Variants in CDH9 observed in about 807,000 individuals in gnomAD.
The protein encoded by CDH9 is cadherin 9, also known as cadherin-9.
In CDH9, 28 loss-of-function variants were observed where a neutral mutation model predicts 70.9. The observed-to-expected ratio is 0.40, with a 90% CI of 0.29 to 0.54. CDH9 has a LOEUF of 0.54. CDH9 is among the 20% of genes least tolerant of loss of function. CDH9 has a pLI of 0.59. For missense variants in CDH9, 874 were observed against 984.4 expected, an observed-to-expected ratio of 0.89 and a Z score of 1.50; for synonymous variants, 409 against 343.1, an observed-to-expected ratio of 1.19 and a Z score of -2.12.
Position 26,962,502 on chromosome 5 carries a change from A to G in CDH9, c.228+25604T>C, listed in dbSNP as rs181162942. 4.3e-3 allele frequency among the ~76,000 whole-genome samples: 655 copies of G among 152,222 alleles called. 14 individuals are homozygous for G. Among genetic ancestry groups the G allele is most frequent in the East Asian group, 0.011 (58 of 5,160 alleles). On this transcript the variant is annotated intron_variant, in intron 2 of 11. Transcript: ENST00000231021. ...GCATCTGATGTTTCCTGACTTTTTA[A>G]TGACCACCATTCTAACTGGTGTGAG... is the stretch of plus-strand genomic sequence containing the variant.
intron 2 of CDH9, among the ~76,000 whole-genome samples, chr5:26,927,290 A>G (rs1188269648): frequency 1.3e-5 from 2 of 152,022 alleles, no homozygotes; most frequent in African/African-American, 4.8e-5. Context: ...ATCCCCAGCT[A>G]GTATACTGGG....
chr5:26,967,690 A>T (rs1011285347), intron 2 of CDH9, among the ~76,000 whole-genome samples: 7 of 151,872 alleles, frequency 4.6e-5, no homozygotes, highest in Non-Finnish European at 8.8e-5. Context: ...CATTCCTGTG[A>T]ACATCAATTT....
Position 26,978,115 on chromosome 5 carries a change from A to G in CDH9, c.228+9991T>C, listed in dbSNP as rs193019393. 5.5e-4 allele frequency among the ~76,000 whole-genome samples: 84 copies of G among 152,192 alleles called. 1 individual carries two copies. Among genetic ancestry groups the G allele is most frequent in the African/African-American group, 2.0e-3 (82 of 41,558 alleles). ...AGAATTTCTGTAATGTGTTAATCAC[A>G]ATGTCTAGTATATAATCTAAGCTTT... On this transcript the variant is annotated intron_variant, in intron 2 of 11. Transcript: ENST00000231021.
Position 26,881,194 on chromosome 5 carries a change from C to T in CDH9, c.2312G>A (p.Gly771Glu). 1 of 1,612,958 alleles carries T rather than the reference C, an allele frequency of 6.2e-7. No individual in the cohort carries two copies. The highest frequency in any genetic ancestry group is 8.5e-7 in the Non-Finnish European group (1 of 1,179,280). ...NQDYDYLSDWGPRFKKLADMY... is the reference protein window; with the variant it reads ...NQDYDYLSDWEPRFKKLADMY... The stretch of plus-strand genomic sequence containing the variant: ...ATCGGCAAGTTTTTTGAAACGAGGC[C>T]CCCAGTCACTGAGGTAATCATAATC... Residue 771 changes from glycine to glutamate, a missense_variant, in exon 12 of 12, where the codon GGG (glycine) becomes GAG (glutamate). By Grantham distance (98) the Gly-to-Glu change is moderately conservative. Transcript: ENST00000231021.
At chr5:26,932,634 A>C (rs896718341) in intron 2 of CDH9, among the ~76,000 whole-genome samples, 1 of 152,074 alleles carries the variant, frequency 6.6e-6, no homozygotes, top group African/African-American at 2.4e-5. Flanking sequence ...TCTTTAATCT[A>C]TATTTGACTT....
chr5:26,932,276 T>G (rs1005087035), intron 2 of CDH9, among the ~76,000 whole-genome samples: 1 of 152,012 alleles, frequency 6.6e-6, no homozygotes, highest in African/African-American at 2.4e-5. Flanking sequence ...TCAGTAAAAA[T>G]ATCTTTCAAA....
chr5:26,954,597 G>T (rs1291918383), intron 2 of CDH9, among the ~76,000 whole-genome samples: 1 of 151,504 alleles, frequency 6.6e-6, no homozygotes, highest in Non-Finnish European at 1.5e-5. Flanking sequence ...TGTTAGCCAG[G>T]ATGGTCTCAA....
At chr5:26,987,911 T>C (rs889775284) in intron 2 of CDH9, among the ~76,000 whole-genome samples, 195 bp downstream of exon 2, 8 of 152,118 alleles carry the variant, frequency 5.3e-5, no homozygotes, top group Non-Finnish European at 1.2e-4. Context: ...TTACGCTTAT[T>C]ATTGACATTG....
intron 11 of CDH9, among the ~76,000 whole-genome samples, 200 bp downstream of exon 11, chr5:26,885,414 T>A (rs901422035): frequency 7.9e-5 from 12 of 152,226 alleles, no homozygotes; most frequent in African/African-American, 2.9e-4. Flanking sequence ...GTTAGATGTT[T>A]CTTTTTGGTC....
intron 1 of CDH9, among the ~76,000 whole-genome samples, chr5:27,036,823 A>C (rs995967731): frequency 2.6e-5 from 4 of 151,900 alleles, no homozygotes; most frequent in Non-Finnish European, 5.9e-5. Flanking sequence ...TCTACTCCTC[A>C]TTTGGAAAAA....
At chr5:26,952,122 C>A (rs1202568748) in intron 2 of CDH9, among the ~76,000 whole-genome samples, 2 of 150,878 alleles carry the variant, frequency 1.3e-5, no homozygotes, top group African/African-American at 4.9e-5. Context: ...TGTCACCACA[C>A]CTGGCTAATT....
chr5:26,927,637 T>A (rs767529688), intron 2 of CDH9, among the ~76,000 whole-genome samples: 3 of 152,024 alleles, frequency 2.0e-5, no homozygotes, highest in Non-Finnish European at 4.4e-5. Context: ...GAGAACTATG[T>A]CTAGTCTACA....
At chr5:26,896,863 A>G (rs1011403431) in intron 7 of CDH9, among the ~76,000 whole-genome samples, 5 of 152,050 alleles carry the variant, frequency 3.3e-5, no homozygotes, top group Admixed American at 1.3e-4. Context: ...ACCCTCAAAA[A>G]AATCAATGAA....
chr5:26,915,071 A>G (rs1317808499), intron 3 of CDH9, among the ~76,000 whole-genome samples: 3 of 152,016 alleles, frequency 2.0e-5, no homozygotes, highest in Non-Finnish European at 2.9e-5. Context: ...AAAATAACAT[A>G]AAGAGACTTG....
chr5:26,883,066 T>G lies in CDH9; in HGVS notation c.1883-1443A>C, dbSNP rs1470507137. Reference sequence around the variant, plus strand: ...TTATATATATATATATATATATATATATATATATATATATATATATATATA... The same window carrying G: ...TTATATATATATATATATATATATAGATATATATATATATATATATATATA... On this transcript the variant is annotated intron_variant, in intron 11 of 11. Coordinates refer to ENST00000231021, the MANE Select transcript of CDH9 (RefSeq NM_016279.4). 3.4e-3 allele frequency among the ~76,000 whole-genome samples: 417 copies of G among 123,954 alleles called. 17 individuals are homozygous for G. Among genetic ancestry groups the G allele is most frequent in the East Asian group, 8.5e-3 (36 of 4,260 alleles). The allele number at this position is 123,954 out of a possible 152,430, so 81.3% of individuals were successfully genotyped here.
chr5:27,036,325 G>A (rs921965363), intron 1 of CDH9, among the ~76,000 whole-genome samples: 7 of 151,844 alleles, frequency 4.6e-5, no homozygotes, highest in African/African-American at 1.4e-4. Flanking sequence ...GTAAGGTGAC[G>A]TTCAGATGAG....
chr5:26,964,139 C>G (rs565839983), intron 2 of CDH9, among the ~76,000 whole-genome samples: 2 of 22,746 alleles, frequency 8.8e-5, no homozygotes, highest in African/African-American at 1.1e-4. Flanking sequence ...CAAGAAAAGA[C>G]TCTTATCTTC....
rs1740550285 is a variant in CDH9, at chr5:26,885,608, G to GCTT, written c.1882+3_1882+5dup. 1 of 1,611,776 alleles carries GCTT rather than the reference G, an allele frequency of 6.2e-7. No individual in the cohort carries two copies. The highest frequency in any genetic ancestry group is 1.7e-5 in the Admixed American group (1 of 59,902). On this transcript the variant is annotated splice_donor_region_variant and intron_variant, in intron 11 of 11. Transcript: ENST00000231021. Reference sequence around the variant, plus strand: ...TTAAAGGATCATTCAGAGGGGCAGAGCTTACTAAGCAGTATGAGGACACAG... The same window carrying GCTT: ...TTAAAGGATCATTCAGAGGGGCAGAGCTTCTTACTAAGCAGTATGAGGACACAG...
At chr5:26,995,081 T>G (rs1742644660) in intron 1 of CDH9, among the ~76,000 whole-genome samples, 1 of 152,216 alleles carries the variant, frequency 6.6e-6, no homozygotes. Flanking sequence ...GATTATATGC[T>G]TATTGACTGT....
Sources: gnomAD v4.1 joint callset for allele counts (sites outside exome capture counted in the v4.1 genomes callset) on GRCh38, gnomAD v4.1.1 for gene constraint, MANE v1.5 for transcripts, NCBI Gene and HGNC (gene_info 2026-07-23, HGNC 2026-07-21) for gene names.